The following NLGN1 variants were observed in gnomAD, a reference collection of about 807,000 sequenced individuals.
NLGN1 encodes the protein neuroligin 1.
Under a neutral mutation model 65.5 loss-of-function variants are expected in NLGN1, and 12 were observed. The ratio of observed to expected loss-of-function variants is 0.18; its 90% CI spans 0.12 to 0.30. NLGN1 has a LOEUF of 0.30. NLGN1 is among the 10% of genes least tolerant of loss of function. The probability of loss-of-function intolerance (pLI) is 1.00; values close to 1 mark genes in which losing one functional copy is unlikely to be tolerated. For missense variants in NLGN1, 750 were observed against 1,007.1 expected (o/e 0.74, Z 3.46); for synonymous variants, 350 against 359.5 (o/e 0.97, Z 0.30).
At chr3:173,680,527 T>C (rs1389338428) in intron 3 of NLGN1, among the ~76,000 whole-genome samples, 1 of 152,202 alleles carries the variant, frequency 6.6e-6, no homozygotes, top group African/African-American at 2.4e-5. Flanking sequence ...CTCTTTGTTA[T>C]CAAGGTGACA....
intron 4 of NLGN1, among the ~76,000 whole-genome samples, chr3:173,909,457 C>T (rs57829921): frequency 4.6e-5 from 7 of 152,138 alleles, no homozygotes; most frequent in Non-Finnish European, 1.5e-5. Context: ...ATGCCAGGCA[C>T]AGTCACAGTC....
chr3:174,019,250 T>C (rs906077028), intron 4 of NLGN1, among the ~76,000 whole-genome samples: 2 of 152,152 alleles, frequency 1.3e-5, no homozygotes, highest in Non-Finnish European at 2.9e-5. Flanking sequence ...ATCCCTAAAT[T>C]CATATGTTGA....
chr3:173,614,231 A>G (rs1357925045), intron 3 of NLGN1, among the ~76,000 whole-genome samples: 1 of 152,040 alleles, frequency 6.6e-6, no homozygotes, highest in African/African-American at 2.4e-5. Flanking sequence ...GAGCAGGGGC[A>G]GGGGGATAAG....
At position 173,559,659 on chromosome 3, in the gene NLGN1, C is replaced by A. The variant is rs114076920; in HGVS notation, c.-320-44620C>A. ...CCACCAGCAAGTAAATACTTTAAAT[C>A]AAATCTCAATTTTTAAGGCATGTAT... On this transcript the variant is annotated intron_variant, in intron 2 of 6. Coordinates refer to ENST00000457714, the Ensembl canonical transcript of NLGN1. 2.2e-3 allele frequency among the ~76,000 whole-genome samples: 341 copies of A among 152,198 alleles called. 1 individual carries two copies. Among genetic ancestry groups the A allele is most frequent in the African/African-American group, 7.8e-3 (326 of 41,534 alleles).
intron 4 of NLGN1, among the ~76,000 whole-genome samples, chr3:173,992,207 T>C (rs942818466): frequency 6.6e-6 from 1 of 152,182 alleles, no homozygotes; most frequent in Non-Finnish European, 1.5e-5. Flanking sequence ...ACACATAATA[T>C]ATGTATATTA....
intron 3 of NLGN1, among the ~76,000 whole-genome samples, chr3:173,708,524 G>A (rs909011108): frequency 3.3e-5 from 5 of 152,204 alleles, no homozygotes; most frequent in African/African-American, 1.2e-4. Context: ...AAGACCAGGA[G>A]AGAGGCCTGC....
intron 3 of NLGN1, among the ~76,000 whole-genome samples, chr3:173,667,187 G>A (rs564218657): frequency 2.7e-5 from 4 of 150,316 alleles, no homozygotes; most frequent in African/African-American, 9.8e-5. Context: ...GGGCATTTAG[G>A]TTATTTCCAT....
chr3:173,482,462 A>G (rs184814985), intron 2 of NLGN1, among the ~76,000 whole-genome samples: 28 of 152,014 alleles, frequency 1.8e-4, no homozygotes, highest in African/African-American at 6.7e-4. Flanking sequence ...CACACTTTCA[A>G]TACACTATCA....
intron 2 of NLGN1, among the ~76,000 whole-genome samples, chr3:173,591,626 C>T (rs111611963): frequency 0.01 from 1,525 of 152,272 alleles, 36 homozygotes; most frequent in African/African-American, 0.035. Flanking sequence ...GGCACAGGGC[C>T]ATACTCAAAC....
chr3:174,166,611 A>G (rs928725321), intron 4 of NLGN1, among the ~76,000 whole-genome samples: 1 of 152,080 alleles, frequency 6.6e-6, no homozygotes, highest in African/African-American at 2.4e-5. Flanking sequence ...TATGTAGTCA[A>G]TCTTGGAGTA....
At chr3:173,627,756 C>G (rs1164342088) in intron 3 of NLGN1, among the ~76,000 whole-genome samples, 3 of 151,438 alleles carry the variant, frequency 2.0e-5, no homozygotes, top group Non-Finnish European at 4.4e-5. Flanking sequence ...ATGAAAGTAC[C>G]TTTTTTGGCA....
chr3:174,085,276 A>G (rs1363974267), intron 4 of NLGN1, among the ~76,000 whole-genome samples: 1 of 152,056 alleles, frequency 6.6e-6, no homozygotes, highest in Non-Finnish European at 1.5e-5. Context: ...AGAGAAGTTT[A>G]AAACTCCTTA....
intron 2 of NLGN1, among the ~76,000 whole-genome samples, chr3:173,529,089 GT>G (rs1418060138): frequency 6.6e-6 from 1 of 152,060 alleles, no homozygotes; most frequent in Non-Finnish European, 1.5e-5. Flanking sequence ...AGTTACTTTT[GT>G]TTGGATGGAA....
chr3:174,044,007 A>C (rs1402560095), intron 4 of NLGN1, among the ~76,000 whole-genome samples: 1 of 152,184 alleles, frequency 6.6e-6, no homozygotes, highest in Non-Finnish European at 1.5e-5. Flanking sequence ...ACTTCTGCAC[A>C]CCTGCAAACT....
chr3:174,274,061 A>ATAAG (rs1307650959), intron 4 of NLGN1, among the ~76,000 whole-genome samples: 1 of 151,246 alleles, frequency 6.6e-6, no homozygotes, highest in South Asian at 2.1e-4. Context: ...TTGAATTTCT[A>ATAAG]TAAGTCTCCA....
intron 4 of NLGN1, among the ~76,000 whole-genome samples, chr3:174,062,653 C>T (rs1326859901): frequency 6.6e-6 from 1 of 151,798 alleles, no homozygotes; most frequent in Admixed American, 6.6e-5. Flanking sequence ...ACTCATATAG[C>T]CTTGTTATTC....
intron 4 of NLGN1, among the ~76,000 whole-genome samples, chr3:173,888,170 A>T (rs942895544): frequency 1.3e-5 from 2 of 151,952 alleles, no homozygotes; most frequent in African/African-American, 4.8e-5. Context: ...CTACTAGTCC[A>T]AATATAATTG....
intron 4 of NLGN1, among the ~76,000 whole-genome samples, chr3:173,927,041 G>C (rs1317734452): frequency 6.6e-6 from 1 of 151,966 alleles, no homozygotes; most frequent in Non-Finnish European, 1.5e-5. Flanking sequence ...CACCTTCTGA[G>C]TTATGAATTG....
chr3:173,451,033 T>G (rs927360228), intron 2 of NLGN1, among the ~76,000 whole-genome samples: 1 of 152,188 alleles, frequency 6.6e-6, no homozygotes, highest in African/African-American at 2.4e-5. Context: ...CAGAGTAGTT[T>G]GATCTTCTGA....
Sources: allele counts gnomAD v4.1 joint callset (sites outside exome capture counted in the v4.1 genomes callset), GRCh38; gene constraint gnomAD v4.1.1; transcripts MANE v1.5; gene names NCBI Gene and HGNC (gene_info 2026-07-23, HGNC 2026-07-21).